PTPRD: variants seen among roughly 807,000 people sequenced by gnomAD.
PTPRD encodes the protein protein tyrosine phosphatase receptor type D.
PTPRD carries 34 observed loss-of-function variants against 214.5 expected under a neutral mutation model. The ratio of observed to expected loss-of-function variants is 0.16; its 90% CI spans 0.12 to 0.21. The LOEUF (loss-of-function observed/expected upper bound fraction) is 0.21, where lower values mean the gene tolerates loss of function less well. Among genes scored for constraint, PTPRD ranks in the 10% least tolerant of loss-of-function variants. PTPRD has a pLI of 1.00. For missense variants in PTPRD, 2,545 were observed against 2,398.7 expected, an observed-to-expected ratio of 1.06 and a Z score of -1.27; for synonymous variants, 1,128 against 845.7, an observed-to-expected ratio of 1.33 and a Z score of -5.79.
intron 2 of PTPRD, among the ~76,000 whole-genome samples, chr9:10,518,733 CG>C (rs200778125): frequency 0.014 from 2,058 of 152,088 alleles, 162 homozygotes; most frequent in Admixed American, 0.13. Context: ...AGGGTTTTAC[CG>C]TGTTAGCCAA....
rs554487017 is a variant in PTPRD, at chr9:8,878,524, C to CT, written c.-104+140172dup. 2.6e-3 allele frequency among the ~76,000 whole-genome samples: 378 copies of CT among 148,040 alleles called. 1 individual carries two copies. The highest frequency in any genetic ancestry group is 7.7e-3 in the African/African-American group (313 of 40,440). ...GCTCTGATTCTTCTTTCTTTCTTTT[C>CT]TTTTTTTTTTGTTTTCTTTTGAGAC... is the stretch of plus-strand genomic sequence containing the variant. On this transcript the variant is annotated intron_variant, in intron 11 of 45. Transcript: ENST00000381196.
chr9:9,860,569 G>T (rs1365800681), intron 5 of PTPRD, among the ~76,000 whole-genome samples: 1 of 152,150 alleles, frequency 6.6e-6, no homozygotes, highest in Non-Finnish European at 1.5e-5. Context: ...ACATTTGATT[G>T]CCTTATGCCT....
intron 11 of PTPRD, among the ~76,000 whole-genome samples, chr9:8,828,849 G>T (rs10977313): frequency 0.096 from 14,582 of 152,128 alleles, 942 homozygotes; most frequent in South Asian, 0.19. Flanking sequence ...TGTAAACTCA[G>T]ACAATTCAAG....
At chr9:10,287,419 C>A (rs2095394043) in intron 3 of PTPRD, among the ~76,000 whole-genome samples, 1 of 152,178 alleles carries the variant, frequency 6.6e-6, no homozygotes. Flanking sequence ...ATGTCATATT[C>A]TTCCTGCATT....
intron 7 of PTPRD, among the ~76,000 whole-genome samples, chr9:9,640,943 A>C (rs1242961680): frequency 6.6e-6 from 1 of 152,268 alleles, no homozygotes; most frequent in Non-Finnish European, 1.5e-5. Flanking sequence ...AGTCAACGTA[A>C]GATCAAATCC....
At chr9:8,944,619 A>T (rs2099052833) in intron 11 of PTPRD, among the ~76,000 whole-genome samples, 1 of 152,102 alleles carries the variant, frequency 6.6e-6, no homozygotes, top group Admixed American at 6.6e-5. Flanking sequence ...GGAACTAAAC[A>T]ACATTATATT....
intron 5 of PTPRD, among the ~76,000 whole-genome samples, chr9:9,870,944 G>C (rs1389908983): frequency 6.6e-6 from 1 of 152,026 alleles, no homozygotes; most frequent in Non-Finnish European, 1.5e-5. Context: ...CAAAGAGTTG[G>C]AGAGAGAAAT....
intron 3 of PTPRD, among the ~76,000 whole-genome samples, chr9:10,180,011 A>G: frequency 6.6e-6 from 1 of 151,980 alleles, no homozygotes. Flanking sequence ...TATGATAGCA[A>G]TTAGAATAAA....
intron 8 of PTPRD, among the ~76,000 whole-genome samples, chr9:9,468,032 C>T (rs1215070085): frequency 6.6e-6 from 1 of 152,010 alleles, no homozygotes; most frequent in Non-Finnish European, 1.5e-5. Context: ...TTATACCATG[C>T]TTATTTTGTG....
At chr9:8,795,114 C>T (rs1489697250) in intron 11 of PTPRD, among the ~76,000 whole-genome samples, 1 of 151,962 alleles carries the variant, frequency 6.6e-6, no homozygotes, top group Non-Finnish European at 1.5e-5. Flanking sequence ...TGGGCACTAC[C>T]AAAATGGGAA....
chr9:9,505,712 G>A (rs1030601381), intron 8 of PTPRD, among the ~76,000 whole-genome samples: 1 of 151,328 alleles, frequency 6.6e-6, no homozygotes, highest in African/African-American at 2.4e-5. Context: ...AAATAATTGG[G>A]TACTTTTTGT....
At chr9:10,481,149 C>A (rs1305040896) in intron 2 of PTPRD, among the ~76,000 whole-genome samples, 1 of 151,632 alleles carries the variant, frequency 6.6e-6, no homozygotes, top group Non-Finnish European at 1.5e-5. Context: ...TAATGTGGTG[C>A]CTGTAATTTG....
intron 7 of PTPRD, among the ~76,000 whole-genome samples, chr9:9,662,292 A>G (rs1438455332): frequency 6.6e-6 from 1 of 151,678 alleles, no homozygotes; most frequent in African/African-American, 2.4e-5. Context: ...CTCTATATGT[A>G]GTAGAAAAAG....
chr9:8,917,322 G>C (rs894386870), intron 11 of PTPRD, among the ~76,000 whole-genome samples: 72 of 145,960 alleles, frequency 4.9e-4, no homozygotes, highest in Admixed American at 1.0e-3. Context: ...ATTTTTAGTT[G>C]AGACAGCGTT....
At position 10,563,396 on chromosome 9, in the gene PTPRD, T is replaced by A. The variant is rs548486178; in HGVS notation, c.-600+49002A>T. ...AGAGACAGAAAACTATCCAGCCATA[T>A]GTACACTTGTGACACAGGCACAGAT... On this transcript the variant is annotated intron_variant, in intron 2 of 45. Transcript: ENST00000381196. 2.0e-5 allele frequency among the ~76,000 whole-genome samples: 3 copies of A among 152,272 alleles called. No individual in the cohort carries two copies. The East Asian group carries it at 5.8e-4, about 29-fold the overall frequency.
chr9:9,284,722 G>A (rs1218514732), intron 9 of PTPRD, among the ~76,000 whole-genome samples: 1 of 151,718 alleles, frequency 6.6e-6, no homozygotes, highest in African/African-American at 2.4e-5. Context: ...AAAGTGTCCT[G>A]GTGCAATGGA....
At chr9:10,253,956 T>C (rs4143459) in intron 3 of PTPRD, among the ~76,000 whole-genome samples, 88,590 of 151,984 alleles carry the variant, frequency 0.58, 27,710 homozygotes, top group East Asian at 0.73. Context: ...AAAAACAAAA[T>C]TTTAAATAAG....
intron 9 of PTPRD, among the ~76,000 whole-genome samples, chr9:9,376,625 A>T (rs1413494837): frequency 6.6e-6 from 1 of 152,166 alleles, no homozygotes; most frequent in Non-Finnish European, 1.5e-5. Flanking sequence ...TTAAGATATG[A>T]AATGAAACAG....
At chr9:10,357,193 T>C (rs1303279281) in intron 2 of PTPRD, among the ~76,000 whole-genome samples, 1 of 152,146 alleles carries the variant, frequency 6.6e-6, no homozygotes, top group Admixed American at 6.5e-5. Flanking sequence ...CCCTAGATCA[T>C]TTTATGTACT....
Sources: gnomAD v4.1 joint callset for allele counts (sites outside exome capture counted in the v4.1 genomes callset) on GRCh38, gnomAD v4.1.1 for gene constraint, MANE v1.5 for transcripts, NCBI Gene and HGNC (gene_info 2026-07-23, HGNC 2026-07-21) for gene names.